DIS3L: variants seen among roughly 807,000 people sequenced by gnomAD.
DIS3L encodes DIS3-like exonuclease 1.
Under a neutral mutation model 120.3 loss-of-function variants are expected in DIS3L, and 100 were observed. The observed-to-expected ratio is 0.83, with a 90% CI of 0.71 to 0.98. DIS3L has a LOEUF of 0.98. Among genes scored for constraint, DIS3L ranks in the 50% least tolerant of loss-of-function variants. The pLI, the probability that DIS3L is intolerant of heterozygous loss-of-function variation, is 0.00. For synonymous variants in DIS3L, 426 were observed against 470.6 expected (o/e 0.91, Z 1.23); for missense variants, 1,196 against 1,314.2 (o/e 0.91, Z 1.39).
At chr15:66,314,147 T>C (rs1189026345) in intron 6 of DIS3L, 30 bp downstream of exon 6, 1 of 1,415,100 alleles carries the variant, frequency 7.1e-7, no homozygotes, top group Non-Finnish European at 9.2e-7. Context: ...TAAATTTCCA[T>C]ACTCCTTTTT....
rs144553500 is a variant in DIS3L, at chr15:66,315,183, C to T, written c.962C>T (p.Ser321Leu). The T allele has an allele frequency of 2.9e-5, 47 of 1,613,694 alleles. No homozygotes were observed. The highest frequency in any genetic ancestry group is 1.5e-4 in the Admixed American group (9 of 60,002). ...GAGAATGACTGTGACGACAAGGCTT[C>T]GGGCGAGTCCCCAAGTGAGCCCATG... ...LCENDCDDKA[S>L]GESPSEPMPT... is the part of the protein sequence containing the mutation. Residue 321 changes from serine (S) to leucine (L), a missense_variant, in exon 7 of 17, where the codon TCG (serine) becomes TTG (leucine). Coordinates refer to ENST00000319212, the MANE Select transcript of DIS3L (RefSeq NM_001143688.3).
chr15:66,298,659 T>C (rs2092615720), intron 2 of DIS3L, among the ~76,000 whole-genome samples: 1 of 152,212 alleles, frequency 6.6e-6, no homozygotes, highest in Admixed American at 6.5e-5. Context: ...CACAGAACAG[T>C]ATGACTAATG....
At position 66,309,094 on chromosome 15, in the gene DIS3L, A is replaced by AAAAAAAAAAAAAAAAAATAT; in HGVS notation, c.558+251_558+252insAAAAAAAAAAAAAAAATATA. Among the ~76,000 whole-genome samples, 6 of 15,316 alleles carry AAAAAAAAAAAAAAAAAATAT rather than the reference A, an allele frequency of 3.9e-4. 1 individual carries two copies. The highest frequency in any genetic ancestry group is 9.8e-4 in the African/African-American group (5 of 5,124). The allele number at this position is 15,316 out of a possible 152,430, so 10.0% of individuals were successfully genotyped here. A position where few individuals can be genotyped will look rare whatever the true frequency, so the allele number is the denominator to read the frequency against. ...CTTGTCTCTACAGAAAAAAAAAAAAAATATATATATCTCCAAGCATGGTGG... is the reference window on the plus strand; with the variant it reads ...CTTGTCTCTACAGAAAAAAAAAAAAAAAAAAAAAAAAAAAAAATATATATATATATCTCCAAGCATGGTGG... On this transcript the variant is annotated intron_variant, in intron 4 of 16. Coordinates refer to ENST00000319212, the MANE Select transcript of DIS3L (RefSeq NM_001143688.3).
chr15:66,295,760 A>G (rs1407636539), intron 2 of DIS3L, among the ~76,000 whole-genome samples: 3 of 152,216 alleles, frequency 2.0e-5, no homozygotes, highest in Non-Finnish European at 4.4e-5. Flanking sequence ...ACTTTGAAAA[A>G]CGATTTTGCT....
intron 14 of DIS3L, chr15:66,329,805 G>A (rs879660673): frequency 7.1e-5 from 66 of 929,598 alleles, no homozygotes; most frequent in Admixed American, 6.1e-5. Context: ...CCAGTTACTT[G>A]GGAGGCTGAG....
intron 12 of DIS3L, among the ~76,000 whole-genome samples, chr15:66,326,744 T>G (rs1174087387): frequency 6.6e-6 from 1 of 151,982 alleles, no homozygotes; most frequent in African/African-American, 2.4e-5. Flanking sequence ...CATGCCTGGC[T>G]AATTTTTTTG....
chr15:66,319,486 G>T (rs1338941545), intron 8 of DIS3L, among the ~76,000 whole-genome samples: 1 of 152,142 alleles, frequency 6.6e-6, no homozygotes, highest in East Asian at 1.9e-4. Context: ...TGATGTAGTG[G>T]TACTTCACAG....
chr15:66,295,004 T>C lies in DIS3L; in HGVS notation c.156T>C (p.Ser52=). The C allele has an allele frequency of 6.2e-7, 1 of 1,613,454 alleles. No homozygotes were observed. The highest frequency in any genetic ancestry group is 8.5e-7 in the Non-Finnish European group (1 of 1,179,606). The change falls in exon 2 of 17, where the codon TCT becomes TCC. Residue 52 remains serine, a synonymous_variant. Coordinates refer to ENST00000319212, the MANE Select transcript of DIS3L (RefSeq NM_001143688.3). ...ATGTTTCAGATGGGAAACTCTTGTCTAGTGATGTGACTCATTACGTGATCC... is the reference window on the plus strand; with the variant it reads ...ATGTTTCAGATGGGAAACTCTTGTCCAGTGATGTGACTCATTACGTGATCC... ...AACSHDGKLL[S]SDVTHYVIPD... is the part of the protein sequence containing the mutation.
At chr15:66,323,865 T>G (rs892731286) in intron 11 of DIS3L, among the ~76,000 whole-genome samples, 5 of 152,308 alleles carry the variant, frequency 3.3e-5, no homozygotes, top group African/African-American at 1.2e-4. Flanking sequence ...TCAGCTAAAA[T>G]CTGAGAACAA....
In DIS3L at chr15:66,333,221, A is replaced by G. The variant is rs1201287991; in HGVS notation, c.3074A>G (p.Tyr1025Cys). ...VNIIQEEYQE[Y>C]RQTKGRSLYT... ...ATCATTCAGGAGGAATATCAAGAAT[A>G]TCGCCAAACAAAGGGAAGGAGCCTA... The change falls in exon 17 of 17, where the codon TAT becomes TGT. Residue 1025 changes from tyrosine to cysteine, a missense_variant. By Grantham distance (194) the Tyr-to-Cys change is radical. Coordinates refer to ENST00000319212, the MANE Select transcript of DIS3L (RefSeq NM_001143688.3). The G allele has an allele frequency of 3.7e-6, 6 of 1,614,178 alleles. No homozygotes were observed. Among genetic ancestry groups the G allele is most frequent in the Non-Finnish European group, 4.2e-6 (5 of 1,180,036 alleles).
At chr15:66,316,050 T>A (rs2092813618) in intron 7 of DIS3L, among the ~76,000 whole-genome samples, 1 of 152,204 alleles carries the variant, frequency 6.6e-6, no homozygotes, top group Non-Finnish European at 1.5e-5. Context: ...CTGCGCTCTC[T>A]CCCTCAGGGA....
At chr15:66,331,677 T>C (rs915097112) in intron 14 of DIS3L, 198 bp from the exon 15 acceptor site, 1 of 507,028 alleles carries the variant, frequency 2.0e-6, no homozygotes, top group Admixed American at 4.4e-5. Flanking sequence ...TTTTATAAAA[T>C]AATTCATTTT....
At chr15:66,304,523 G>C (rs1482649102) in intron 2 of DIS3L, among the ~76,000 whole-genome samples, 3 of 152,166 alleles carry the variant, frequency 2.0e-5, no homozygotes, top group Non-Finnish European at 4.4e-5. Flanking sequence ...TGAGAGGTGA[G>C]GGAACAGCTT....
Position 66,308,807 on chromosome 15 carries a change from G to A in DIS3L, c.521G>A (p.Gly174Glu). Residue 174 changes from glycine (G) to glutamate (E), a missense_variant, in exon 4 of 17, where the codon GGA becomes GAA. Coordinates refer to ENST00000319212, the MANE Select transcript of DIS3L (RefSeq NM_001143688.3). ...TEDEEAIQQY[G>E]SETEGVFVIT... is the part of the protein sequence containing the mutation. Reference sequence around the variant, plus strand: ...GATGAAGAGGCAATTCAGCAGTATGGAAGTGAAACAGAAGGAGTATTCGTG... The same window carrying A: ...GATGAAGAGGCAATTCAGCAGTATGAAAGTGAAACAGAAGGAGTATTCGTG... 1 of 1,613,532 alleles carries A rather than the reference G, an allele frequency of 6.2e-7. No individual in the cohort carries two copies. Among genetic ancestry groups the A allele is most frequent in the Middle Eastern group, 1.7e-4 (1 of 6,058 alleles).
chr15:66,310,760 GTTTTC>G (rs1248143411), intron 4 of DIS3L, among the ~76,000 whole-genome samples: 2 of 152,150 alleles, frequency 1.3e-5, no homozygotes, highest in African/African-American at 4.8e-5. Context: ...AGTATAACCT[GTTTTC>G]TTTTCAATTT....
intron 2 of DIS3L, 51 bp from the exon 3 acceptor site, chr15:66,306,773 A>T (rs769803164): frequency 2.5e-6 from 4 of 1,607,960 alleles, no homozygotes; most frequent in Non-Finnish European, 3.4e-6. Context: ...AAGAGATAGC[A>T]GTGGATGAGT....
chr15:66,304,200 C>G (rs1348313551), intron 2 of DIS3L, among the ~76,000 whole-genome samples: 8 of 151,648 alleles, frequency 5.3e-5, no homozygotes, highest in African/African-American at 1.9e-4. Flanking sequence ...CTTGTAATCC[C>G]AACACTTTGG....
intron 6 of DIS3L, 111 bp downstream of exon 6, chr15:66,314,228 C>T (rs930002515): frequency 1.3e-6 from 1 of 772,182 alleles, no homozygotes; most frequent in South Asian, 3.0e-5. Context: ...TTATGTATGC[C>T]TACATACATT....
At chr15:66,314,776 A>G in intron 6 of DIS3L, 1 of 358,112 alleles carries the variant, frequency 2.8e-6, no homozygotes, top group South Asian at 5.5e-5. Context: ...ACCTTTTTAA[A>G]AGGTGGTGAA....
Sources: allele counts gnomAD v4.1 joint callset (sites outside exome capture counted in the v4.1 genomes callset), GRCh38; gene constraint gnomAD v4.1.1; transcripts MANE v1.5; gene names NCBI Gene and HGNC (gene_info 2026-07-23, HGNC 2026-07-21).